The following MAML2 variants were observed in gnomAD, a reference collection of about 807,000 sequenced individuals.
MAML2 encodes mastermind like transcriptional coactivator 2.
In MAML2, 22 loss-of-function variants were observed where a neutral mutation model predicts 96.1. The observed-to-expected ratio is 0.23, with a 90% CI of 0.16 to 0.33. The LOEUF (loss-of-function observed/expected upper bound fraction) is 0.33, where lower values mean the gene tolerates loss of function less well. Ranked by LOEUF, MAML2 falls within the 10% of genes least tolerant of loss-of-function variation. MAML2 has a pLI of 1.00. For synonymous variants in MAML2, 561 were observed against 521.3 expected, an observed-to-expected ratio of 1.08 and a Z score of -1.04; for missense variants, 1,367 against 1,392.4, an observed-to-expected ratio of 0.98 and a Z score of 0.29.
intron 1 of MAML2, among the ~76,000 whole-genome samples, chr11:96,172,027 G>A (rs1318806039): frequency 6.6e-6 from 1 of 152,254 alleles, no homozygotes; most frequent in African/African-American, 2.4e-5. Context: ...GCCTTGTAGA[G>A]AGCGACACTT....
intron 1 of MAML2, among the ~76,000 whole-genome samples, chr11:96,139,137 T>C (rs1296613937): frequency 6.6e-6 from 1 of 152,134 alleles, no homozygotes; most frequent in Non-Finnish European, 1.5e-5. Context: ...CCAAATCAGC[T>C]TTCCTAATAC....
intron 2 of MAML2, among the ~76,000 whole-genome samples, chr11:96,052,949 G>A (rs1305042594): frequency 1.3e-5 from 2 of 152,232 alleles, no homozygotes; most frequent in Admixed American, 1.3e-4. Context: ...TGCCTGGCCT[G>A]AAGTCTAGGG....
rs566605381 is a variant in MAML2 at position 96,295,967 on chromosome 11, C to T, written c.513+45416G>A. Among the ~76,000 whole-genome samples the T allele has an allele frequency of 1.9e-3, 286 of 152,006 alleles. 1 individual carries two copies. The highest frequency in any genetic ancestry group is 6.6e-3 in the African/African-American group (272 of 41,440). On this transcript the variant is annotated intron_variant, in intron 1 of 4. Transcript: ENST00000524717. ...ACACACACACACACACACACACACA[C>T]ACACACACACACGAAACTAATGTTT...
intron 1 of MAML2, among the ~76,000 whole-genome samples, chr11:96,291,043 A>T (rs550307698): frequency 6.6e-6 from 1 of 151,874 alleles, no homozygotes; most frequent in Admixed American, 6.6e-5. Flanking sequence ...AAGTTGGTAA[A>T]TAAAGACTTG....
At chr11:96,263,773 G>A (rs554017626) in intron 1 of MAML2, among the ~76,000 whole-genome samples, 27 of 152,216 alleles carry the variant, frequency 1.8e-4, no homozygotes, top group Non-Finnish European at 3.2e-4. Context: ...CCTTTGAATG[G>A]TCAAAGTGGT....
In MAML2 at chr11:96,118,374, C is replaced by T. The variant is rs552770220; in HGVS notation, c.514-24857G>A. Among the ~76,000 whole-genome samples the T allele has an allele frequency of 2.6e-5, 4 of 152,256 alleles. No individual in the cohort carries two copies. The South Asian group carries it at 6.2e-4, about 24-fold the overall frequency. On this transcript the variant is annotated intron_variant, in intron 1 of 4. Transcript: ENST00000524717. ...TTTTTCTTGATAGTGAGTGAGTTCT[C>T]AGGTTTAAAAGTGAAACTCCTCCCT... is the stretch of plus-strand genomic sequence containing the variant.
chr11:96,216,406 T>C (rs1421985647), intron 1 of MAML2, among the ~76,000 whole-genome samples: 1 of 152,196 alleles, frequency 6.6e-6, no homozygotes. Flanking sequence ...AATTTCACCT[T>C]TCTCATAAGG....
chr11:96,147,999 C>A (rs1312920588), intron 1 of MAML2, among the ~76,000 whole-genome samples: 2 of 152,144 alleles, frequency 1.3e-5, no homozygotes, highest in African/African-American at 4.8e-5. Flanking sequence ...GGGTGTTTAT[C>A]TCCAGCATTC....
chr11:96,092,483 C>T lies in MAML2; in HGVS notation c.1548G>A (p.Lys516=), dbSNP rs1431250847. 1.2e-6 allele frequency: 2 copies of T among 1,607,288 alleles called. No individual in the cohort carries two copies. Among genetic ancestry groups the T allele is most frequent in the East Asian group, 2.2e-5 (1 of 44,802 alleles). ...QSKVMANYMY[K]AGPSAQGGHL... Reference sequence around the variant, plus strand: ...GCCCACCCTGGGCTGAGGGGCCGGCCTTGTACATGTAGTTAGCCATTACTT... The same window carrying T: ...GCCCACCCTGGGCTGAGGGGCCGGCTTTGTACATGTAGTTAGCCATTACTT... Residue 516 remains lysine (K), a synonymous_variant, in exon 2 of 5, where the codon AAG becomes AAA. Coordinates refer to ENST00000524717, the MANE Select transcript of MAML2 (RefSeq NM_032427.4). The surrounding 1 kb of genome is among the most constrained non-coding windows in gnomAD (Gnocchi z 4.1).
chr11:96,159,328 G>C (rs1861062874), intron 1 of MAML2, among the ~76,000 whole-genome samples: 1 of 151,416 alleles, frequency 6.6e-6, no homozygotes, highest in Admixed American at 6.6e-5. Flanking sequence ...TACCTTTCCA[G>C]GCGGATTTGT....
At position 96,202,629 on chromosome 11, in the gene MAML2, A is replaced by T. The variant is rs1016559998; in HGVS notation, c.514-109112T>A. Among the ~76,000 whole-genome samples, 13 of 144,702 alleles carry T rather than the reference A, an allele frequency of 9.0e-5. No homozygotes were observed. The East Asian group carries it at 1.0e-3, about 11-fold the overall frequency. 94.9% of individuals were successfully genotyped at this position (144,702 alleles called of 152,430 possible). ...GTAACTATGCTGTGTTCCAGATGAAATTTTTTTTTTTTTTTGAAACGGATT... is the reference window on the plus strand; with the variant it reads ...GTAACTATGCTGTGTTCCAGATGAATTTTTTTTTTTTTTTTGAAACGGATT... On this transcript the variant is annotated intron_variant, in intron 1 of 4. Coordinates refer to ENST00000524717, the MANE Select transcript of MAML2 (RefSeq NM_032427.4).
Position 95,978,728 on chromosome 11 carries a change from G to A in MAML2, c.*220C>T, listed in dbSNP as rs774621745. 1.9e-6 allele frequency: 1 copy of A among 532,622 alleles called. No individual in the cohort carries two copies. The highest frequency in any genetic ancestry group is 3.3e-6 in the Non-Finnish European group (1 of 303,944). 33.0% of individuals were successfully genotyped at this position (532,622 alleles called of 1,614,324 possible). ...ATTGGATACTGTATCCTGGAGTTTA[G>A]ACAGGGAAAAGTGATCCCAATATTT... On this transcript the variant is annotated 3_prime_UTR_variant, in exon 5 of 5. Transcript: ENST00000524717.
At chr11:96,176,437 G>T (rs552834175) in intron 1 of MAML2, among the ~76,000 whole-genome samples, 1 of 152,204 alleles carries the variant, frequency 6.6e-6, no homozygotes, top group Admixed American at 6.5e-5. Context: ...AGTGTTTTAG[G>T]GAGTAAAGCA....
chr11:95,993,309 T>C (rs1340919069), intron 2 of MAML2, among the ~76,000 whole-genome samples: 2 of 152,124 alleles, frequency 1.3e-5, no homozygotes, highest in African/African-American at 4.8e-5. Flanking sequence ...GGCTCATGCC[T>C]GTAAACCTAG....
rs559797627 is a variant in MAML2, at chr11:96,005,123, C to T, written c.2140-13400G>A. ...CATTGATCTTGGACTTCACAGCCTC[C>T]GTAACAGTGAGAAATACATTTCTGT... On this transcript the variant is annotated intron_variant, in intron 2 of 4. Transcript: ENST00000524717. Among the ~76,000 whole-genome samples the T allele has an allele frequency of 6.0e-4, 92 of 152,280 alleles. No individual in the cohort carries two copies. The South Asian group carries it at 0.016, about 26-fold the overall frequency.
At chr11:96,192,750 G>A (rs1411909992) in intron 1 of MAML2, among the ~76,000 whole-genome samples, 1 of 152,130 alleles carries the variant, frequency 6.6e-6, no homozygotes, top group Non-Finnish European at 1.5e-5. Flanking sequence ...CTTATTAAGG[G>A]CAGGCCGGTT....
chr11:96,227,642 C>T (rs918948620), intron 1 of MAML2, among the ~76,000 whole-genome samples: 1 of 152,180 alleles, frequency 6.6e-6, no homozygotes, highest in Non-Finnish European at 1.5e-5. Flanking sequence ...TCAGTTTTCT[C>T]ATGGGTAAAA....
chr11:96,135,427 G>A (rs895331206), intron 1 of MAML2, among the ~76,000 whole-genome samples: 2 of 152,012 alleles, frequency 1.3e-5, no homozygotes, highest in African/African-American at 2.4e-5. Flanking sequence ...TATCAGTTAG[G>A]CCTGATATTT....
At chr11:96,160,410 G>A (rs1861084625) in intron 1 of MAML2, among the ~76,000 whole-genome samples, 2 of 148,304 alleles carry the variant, frequency 1.3e-5, no homozygotes, top group Admixed American at 7.0e-5. Context: ...TAGGTTGACC[G>A]AAGTCTCAGT....
Sources: allele counts gnomAD v4.1 joint callset (sites outside exome capture counted in the v4.1 genomes callset), GRCh38; gene constraint gnomAD v4.1.1; non-coding constraint Gnocchi (gnomAD v3.1); transcripts MANE v1.5; gene names NCBI Gene and HGNC (gene_info 2026-07-23, HGNC 2026-07-21).